Variants in ADNP2 observed in about 807,000 individuals in gnomAD.
ADNP2 encodes the protein activity-dependent neuroprotector homeobox protein 2.
Under a neutral mutation model 16.4 loss-of-function variants are expected in ADNP2, and 8 were observed. The ratio of observed to expected loss-of-function variants is 0.49; its 90% CI spans 0.29 to 0.88. ADNP2 has a LOEUF of 0.88. ADNP2 is among the 40% of genes least tolerant of loss of function. The pLI is 0.09. For synonymous variants in ADNP2, 637 were observed against 545.8 expected (o/e 1.17, Z -2.33); for missense variants, 1,397 against 1,395.1 (o/e 1.00, Z -0.02).
chr18:80,129,292 T>C (rs4799136), intron 2 of ADNP2, among the ~76,000 whole-genome samples: 64,245 of 151,478 alleles, frequency 0.42, 14,948 homozygotes, highest in African/African-American at 0.61. Context: ...TTAGTAGAGA[T>C]GGGGTTTCAC....
At chr18:80,109,618 C>A (rs1044139710) in intron 1 of ADNP2, 146 bp downstream of exon 1, 3 of 148,800 alleles carry the variant, frequency 2.0e-5, no homozygotes, top group South Asian at 4.0e-4. Flanking sequence ...TCGCGCCGCC[C>A]GTGGCCGCCT....
intron 3 of ADNP2, among the ~76,000 whole-genome samples, chr18:80,134,411 G>T (rs2052518476): frequency 6.9e-6 from 1 of 145,784 alleles, no homozygotes; most frequent in South Asian, 2.1e-4. Context: ...GTGTGTGTGT[G>T]TGTGTGTGAG....
intron 2 of ADNP2, among the ~76,000 whole-genome samples, chr18:80,125,709 G>A (rs938832567): frequency 6.6e-6 from 1 of 152,150 alleles, no homozygotes; most frequent in African/African-American, 2.4e-5. Flanking sequence ...TACTCGGGAG[G>A]CTGAGGTGGG....
Position 80,136,720 on chromosome 18 carries a change from G to C in ADNP2, c.1307G>C (p.Gly436Ala). The change falls in exon 4 of 4, where the codon GGG becomes GCG. Residue 436 changes from glycine (G) to alanine (A), a missense_variant. Physicochemically the swap from Gly to Ala is moderately conservative, Grantham distance 60. This residue lies in a region of ADNP2 where 777 missense variants were observed against 719.4 expected (regional missense o/e 1.08). Transcript: ENST00000262198. Reference protein sequence around the residue: ...TPGVLQAVSPGVLSVSRAVPS... With the variant: ...TPGVLQAVSPAVLSVSRAVPS... Reference sequence around the variant, plus strand: ...GGGGTCCTGCAGGCTGTCTCGCCAGGGGTGCTTTCTGTGAGTCGGGCGGTC... The same window carrying C: ...GGGGTCCTGCAGGCTGTCTCGCCAGCGGTGCTTTCTGTGAGTCGGGCGGTC... The C allele has an allele frequency of 6.2e-7, 1 of 1,613,434 alleles. No homozygotes were observed. Among genetic ancestry groups the C allele is most frequent in the Non-Finnish European group, 8.5e-7 (1 of 1,179,660 alleles).
rs143974022 is a variant in ADNP2, at chr18:80,136,277, G to C, written c.864G>C (p.Gln288His). ...ANGSAPSAPA[Q>H]PPCFHLALPQ... ...GCAGTGCTCCAAGCGCTCCAGCGCAGCCTCCTTGCTTCCATCTTGCTTTGC... is the reference window on the plus strand; with the variant it reads ...GCAGTGCTCCAAGCGCTCCAGCGCACCCTCCTTGCTTCCATCTTGCTTTGC... Residue 288 changes from glutamine (Q) to histidine (H), a missense_variant, in exon 4 of 4, where the codon CAG (glutamine) becomes CAC (histidine). By Grantham distance (24) the Gln-to-His change is conservative. This residue lies in a region of ADNP2 where 777 missense variants were observed against 719.4 expected (regional missense o/e 1.08). Transcript: ENST00000262198. 1 of 1,613,722 alleles carries C rather than the reference G, an allele frequency of 6.2e-7. No individual in the cohort carries two copies. The highest frequency in any genetic ancestry group is 1.3e-5 in the African/African-American group (1 of 75,058).
intron 2 of ADNP2, 37 bp downstream of exon 2, chr18:80,117,687 T>G: frequency 6.5e-7 from 1 of 1,526,798 alleles, no homozygotes; most frequent in Non-Finnish European, 8.9e-7. Flanking sequence ...AATCTGGAGG[T>G]GAGATTTGAA....
rs759631379 is a variant in ADNP2 at position 80,137,966 on chromosome 18, A to G, written c.2553A>G (p.Ser851=). 6 of 1,613,146 alleles carry G rather than the reference A, an allele frequency of 3.7e-6. No individual in the cohort carries two copies. Among genetic ancestry groups the G allele is most frequent in the Non-Finnish European group, 5.1e-6 (6 of 1,180,030 alleles). The change falls in exon 4 of 4, where the codon TCA becomes TCG. Residue 851 remains serine, a synonymous_variant. Coordinates refer to ENST00000262198, the MANE Select transcript of ADNP2 (RefSeq NM_014913.4). The surrounding 1 kb of genome is among the most constrained non-coding windows in gnomAD (Gnocchi z 4.2). ...LAILAGIHSK[S]LVPVYVKVRP... is the part of the protein sequence containing the mutation. The stretch of plus-strand genomic sequence containing the variant: ...TCCTGGCTGGGATACACTCCAAGTC[A>G]CTGGTGCCTGTGTATGTGAAGGTGA...
At chr18:80,127,622 G>A (rs1307014107) in intron 2 of ADNP2, among the ~76,000 whole-genome samples, 1 of 151,136 alleles carries the variant, frequency 6.6e-6, no homozygotes, top group African/African-American at 2.4e-5. Flanking sequence ...TTTGTTTTTT[G>A]ACTGGCAGTT....
chr18:80,136,899 C>G lies in ADNP2; in HGVS notation c.1486C>G (p.Arg496Gly), dbSNP rs372177595. 4 of 1,613,928 alleles carry G rather than the reference C, an allele frequency of 2.5e-6. No homozygotes were observed. In the East Asian group the frequency reaches 6.7e-5, roughly 27 times the overall value. ...CCCTGTGGGCCAGACAGCTCCGTCA[C>G]GGGTTCTTCCCCCAGGCCAGACAGC... Reference protein sequence around the residue: ...VLPVGQTAPSRVLPPGQTAPL... With the variant: ...VLPVGQTAPSGVLPPGQTAPL... Residue 496 changes from arginine (R) to glycine (G), a missense_variant, in exon 4 of 4, where the codon CGG becomes GGG. Arg to Gly is a moderately radical substitution (Grantham distance 125). Transcript: ENST00000262198.
Position 80,138,839 on chromosome 18 carries a change from A to G in ADNP2, c.*30A>G, listed in dbSNP as rs746724958. On this transcript the variant is annotated 3_prime_UTR_variant, in exon 4 of 4. Coordinates refer to ENST00000262198, the MANE Select transcript of ADNP2 (RefSeq NM_014913.4). ...TGCAAAAAAAAAAAAAAGTAACTCT[A>G]AAGTAGTAGGTAGATTTTTTTCAGT... The G allele has an allele frequency of 7.0e-7, 1 of 1,438,746 alleles. No individual in the cohort carries two copies. The highest frequency in any genetic ancestry group is 1.5e-5 in the South Asian group (1 of 67,850). The allele number at this position is 1,438,746 out of a possible 1,614,324, so 89.1% of individuals were successfully genotyped here. A position where few individuals can be genotyped will look rare whatever the true frequency, so the allele number is the denominator to read the frequency against.
rs1568415406 is a variant in ADNP2, at chr18:80,136,353, G to C, written c.940G>C (p.Gly314Arg). Residue 314 changes from glycine to arginine, a missense_variant, in exon 4 of 4, where the codon GGT (glycine) becomes CGT (arginine). Coordinates refer to ENST00000262198, the MANE Select transcript of ADNP2 (RefSeq NM_014913.4). ...AGGACAGCCAGTGACTGTGGCCCAG[G>C]GTGCCCCTGGAAGCCTCACTCATTC... ...AAGQPVTVAQGAPGSLTHSPP... is the reference protein window; with the variant it reads ...AAGQPVTVAQRAPGSLTHSPP... 6.2e-7 allele frequency: 1 copy of C among 1,614,200 alleles called. No individual in the cohort carries two copies. The highest frequency in any genetic ancestry group is 2.2e-5 in the East Asian group (1 of 44,878).
chr18:80,114,057 G>A (rs938584240), intron 1 of ADNP2, among the ~76,000 whole-genome samples: 4 of 151,862 alleles, frequency 2.6e-5, no homozygotes. Context: ...GCCAGGTGTG[G>A]TGGCATACAT....
chr18:80,110,366 G>T (rs2052350032), intron 1 of ADNP2, among the ~76,000 whole-genome samples: 1 of 152,176 alleles, frequency 6.6e-6, no homozygotes, highest in Non-Finnish European at 1.5e-5. Flanking sequence ...TACTCTATTT[G>T]CACGGGTAAT....
At chr18:80,127,320 C>T (rs891542274) in intron 2 of ADNP2, among the ~76,000 whole-genome samples, 7 of 140,886 alleles carry the variant, frequency 5.0e-5, no homozygotes, top group East Asian at 2.0e-4. Flanking sequence ...TCATTGATGC[C>T]GTTGTTGGGG....
chr18:80,129,290 G>T (rs915021491), intron 2 of ADNP2, among the ~76,000 whole-genome samples: 1 of 151,862 alleles, frequency 6.6e-6, no homozygotes, highest in Non-Finnish European at 1.5e-5. Flanking sequence ...TTTTAGTAGA[G>T]ATGGGGTTTC....
Position 80,117,604 on chromosome 18 carries a change from G to A in ADNP2, c.62G>A (p.Gly21Asp). ...NIRKVRKKVK[G>D]ILVDIGLDSC... is the part of the protein sequence containing the mutation. ...AGAAAGGTGCGAAAAAAGGTGAAAG[G>A]TATTCTTGTGGATATTGGGCTTGAC... The change falls in exon 2 of 4, where the codon GGT (glycine) becomes GAT (aspartate). Residue 21 changes from glycine to aspartate, a missense_variant. Physicochemically the swap from Gly to Asp is moderately conservative, Grantham distance 94. Around this residue, in one of 3 missense-constraint regions of ADNP2, gnomAD observed 777 missense variants for 719.4 expected, o/e 1.08. Transcript: ENST00000262198. 1 of 1,607,908 alleles carries A rather than the reference G, an allele frequency of 6.2e-7. No homozygotes were observed. Among genetic ancestry groups the A allele is most frequent in the Non-Finnish European group, 8.5e-7 (1 of 1,178,222 alleles).
rs2052538103 is a variant in ADNP2, at chr18:80,136,683, T to G, written c.1270T>G (p.Ser424Ala). 6.2e-7 allele frequency: 1 copy of G among 1,613,258 alleles called. No individual in the cohort carries two copies. The highest frequency in any genetic ancestry group is 1.3e-5 in the African/African-American group (1 of 75,022). ...VGPGVLPVSP[S>A]VTPGVLQAVS... ...GCCTGGTGTTCTTCCTGTGAGCCCC[T>G]CTGTCACCCCTGGGGTCCTGCAGGC... Residue 424 changes from serine to alanine, a missense_variant, in exon 4 of 4, where the codon TCT becomes GCT. By Grantham distance (99) the Ser-to-Ala change is moderately conservative. Around this residue, in one of 3 missense-constraint regions of ADNP2, gnomAD observed 777 missense variants for 719.4 expected, o/e 1.08. Transcript: ENST00000262198.
chr18:80,134,418 T>A (rs60992264), intron 3 of ADNP2, among the ~76,000 whole-genome samples: 2,183 of 136,492 alleles, frequency 0.016, 27 homozygotes, highest in African/African-American at 0.034. Context: ...TGTGTGTGTG[T>A]GAGAGAGAGT....
At chr18:80,111,800 C>T (rs1475686453) in intron 1 of ADNP2, among the ~76,000 whole-genome samples, 1 of 152,038 alleles carries the variant, frequency 6.6e-6, no homozygotes, top group African/African-American at 2.4e-5. Flanking sequence ...CCGCCTTAGC[C>T]TTCCAAAGTG....
Sources: gnomAD v4.1 joint callset for allele counts (sites outside exome capture counted in the v4.1 genomes callset) on GRCh38, gnomAD v4.1.1 for gene constraint, gnomAD v4.1.1 regional missense constraint, Gnocchi (gnomAD v3.1) non-coding constraint, MANE v1.5 for transcripts, NCBI Gene and HGNC (gene_info 2026-07-23, HGNC 2026-07-21) for gene names.